Variants in DIAPH3 observed in about 807,000 individuals in gnomAD.
DIAPH3 encodes the protein protein diaphanous homolog 3.
A neutral mutation model predicts 144.3 loss-of-function variants in DIAPH3; 117 were observed. The ratio of observed to expected loss-of-function variants is 0.81; its 90% CI spans 0.70 to 0.95. The LOEUF (loss-of-function observed/expected upper bound fraction) is 0.95. DIAPH3 is among the 40% of genes least tolerant of loss of function. The pLI is 0.00. For missense variants in DIAPH3, 1,421 were observed against 1,412.7 expected (o/e 1.01, Z -0.09); for synonymous variants, 519 against 488.9 (o/e 1.06, Z -0.81).
intron 27 of DIAPH3, among the ~76,000 whole-genome samples, chr13:59,764,693 T>C (rs9538518): frequency 0.35 from 51,835 of 149,948 alleles, 9,406 homozygotes; most frequent in African/African-American, 0.44. Flanking sequence ...GATGGAGACA[T>C]ACACTGGAGT....
Position 59,974,430 on chromosome 13 carries a change from TTGG to T in DIAPH3, c.1569_1571del (p.His523del). Reference sequence around the variant, plus strand: ...TTTTCTGCAATTCAGCCTGAGTTTCTTGGTGGTCGGTAAACTCTTTTTCAAACT... The same window carrying T: ...TTTTCTGCAATTCAGCCTGAGTTTCTTGGTCGGTAAACTCTTTTTCAAACT... On this transcript the variant is annotated inframe_deletion, in exon 15 of 28. Coordinates refer to ENST00000400324, the MANE Select transcript of DIAPH3 (RefSeq NM_001042517.2). 1 of 1,612,114 alleles carries T rather than the reference TTGG, an allele frequency of 6.2e-7. No homozygotes were observed. Among genetic ancestry groups the T allele is most frequent in the East Asian group, 2.2e-5 (1 of 44,800 alleles).
At chr13:60,042,109 A>T (rs1344893135) in intron 5 of DIAPH3, among the ~76,000 whole-genome samples, 1 of 152,194 alleles carries the variant, frequency 6.6e-6, no homozygotes, top group Admixed American at 6.5e-5. Context: ...ACCAAAAATT[A>T]GCCCCATTCC....
intron 20 of DIAPH3, among the ~76,000 whole-genome samples, chr13:59,881,319 A>T (rs911679855): frequency 6.6e-6 from 1 of 152,112 alleles, no homozygotes; most frequent in Non-Finnish European, 1.5e-5. Flanking sequence ...CACATGTAGT[A>T]CCTGTAGTTA....
At chr13:59,911,683 G>T in intron 20 of DIAPH3, 52 bp downstream of exon 20, 1 of 1,307,980 alleles carries the variant, frequency 7.6e-7, no homozygotes, top group Non-Finnish European at 1.1e-6. Flanking sequence ...ACAGTTGACA[G>T]GTTCTCTTGT....
At position 60,083,907 on chromosome 13, in the gene DIAPH3, AGATGGATGGATGGATGGATGGATGGATG is replaced by A. The variant is rs61418371; in HGVS notation, c.495+9693_495+9720del. 1.7e-4 allele frequency among the ~76,000 whole-genome samples: 25 copies of A among 145,580 alleles called. 1 individual carries two copies. The highest frequency in any genetic ancestry group is 1.7e-3 in the Admixed American group (24 of 14,464). ...ACAGAGCAAGACCCTATGGATGGAC[AGATGGATGGATGGATGGATGGATGGATG>A]GATGGATGGATGGATGGATGGATGA... On this transcript the variant is annotated intron_variant, in intron 4 of 27. Coordinates refer to ENST00000400324, the MANE Select transcript of DIAPH3 (RefSeq NM_001042517.2).
chr13:59,751,029 G>C (rs1434513610), intron 27 of DIAPH3, among the ~76,000 whole-genome samples: 1 of 152,234 alleles, frequency 6.6e-6, no homozygotes, highest in Non-Finnish European at 1.5e-5. Context: ...GCAGCCGGTT[G>C]CCTTCAGCAG....
At chr13:59,811,515 G>A (rs2040472457) in intron 24 of DIAPH3, among the ~76,000 whole-genome samples, 1 of 152,024 alleles carries the variant, frequency 6.6e-6, no homozygotes, top group Non-Finnish European at 1.5e-5. Flanking sequence ...GAGGTGGGCG[G>A]ATCATAAGGT....
intron 27 of DIAPH3, among the ~76,000 whole-genome samples, chr13:59,708,079 T>C (rs1030853704): frequency 1.3e-5 from 2 of 152,086 alleles, no homozygotes; most frequent in Non-Finnish European, 2.9e-5. Context: ...ATTATTTTTT[T>C]AGAGACAGCA....
chr13:60,064,647 A>C (rs2056889260), intron 4 of DIAPH3, among the ~76,000 whole-genome samples: 1 of 152,136 alleles, frequency 6.6e-6, no homozygotes, highest in South Asian at 2.1e-4. Context: ...AACCACTCAA[A>C]ACTTTCTCTA....
chr13:59,832,157 G>A (rs1471357653), intron 24 of DIAPH3, among the ~76,000 whole-genome samples: 1 of 151,748 alleles, frequency 6.6e-6, no homozygotes, highest in Non-Finnish European at 1.5e-5. Context: ...ATTCATTTCT[G>A]GCAATGAAAA....
At chr13:60,097,610 T>A (rs1220637346) in intron 3 of DIAPH3, among the ~76,000 whole-genome samples, 1 of 152,040 alleles carries the variant, frequency 6.6e-6, no homozygotes, top group Non-Finnish European at 1.5e-5. Flanking sequence ...TATGGCAACA[T>A]AAAAATGGAC....
At chr13:60,003,659 C>A (rs1401796611) in intron 9 of DIAPH3, among the ~76,000 whole-genome samples, 3 of 151,764 alleles carry the variant, frequency 2.0e-5, no homozygotes, top group Non-Finnish European at 4.4e-5. Flanking sequence ...CTGCAAGCAC[C>A]GCCTCCTGGG....
intron 27 of DIAPH3, among the ~76,000 whole-genome samples, chr13:59,762,052 C>CTTTTTTTTTTTTTTTTTTTT (rs35387511): frequency 3.2e-4 from 19 of 59,518 alleles, no homozygotes; most frequent in East Asian, 5.1e-4. Context: ...GCGTCAGCAT[C>CTTTTTTTTTTTTTTTTTTTT]TTTTTTTTTT....
intron 27 of DIAPH3, among the ~76,000 whole-genome samples, chr13:59,722,655 G>C (rs2035401018): frequency 6.6e-6 from 1 of 152,190 alleles, no homozygotes; most frequent in Non-Finnish European, 1.5e-5. Flanking sequence ...TGTTATGCTG[G>C]TGTGGATTGT....
chr13:60,101,534 T>C (rs2137977907), intron 3 of DIAPH3, among the ~76,000 whole-genome samples: 1 of 152,242 alleles, frequency 6.6e-6, no homozygotes, highest in South Asian at 2.1e-4. Flanking sequence ...TTTTTTTTTT[T>C]TAGCTCATCA....
chr13:60,107,922 T>C (rs988565935), intron 3 of DIAPH3, among the ~76,000 whole-genome samples: 3 of 152,190 alleles, frequency 2.0e-5, no homozygotes, highest in African/African-American at 7.2e-5. Flanking sequence ...TTTCATTCTC[T>C]CAACCGATAG....
At position 60,156,939 on chromosome 13, in the gene DIAPH3, ATTTT is replaced by A. The variant is rs757042309; in HGVS notation, c.180+6644_180+6647del. On this transcript the variant is annotated intron_variant, in intron 1 of 27. Transcript: ENST00000400324. ...CCTTCATATATATATATATATATAT[ATTTT>A]TTTTTTTTTTTTTTTTGAGACAGAG... 4.6e-3 allele frequency among the ~76,000 whole-genome samples: 379 copies of A among 81,590 alleles called. 5 individuals are homozygous for A. Among genetic ancestry groups the A allele is most frequent in the African/African-American group, 0.01 (187 of 18,452 alleles). 53.5% of individuals were successfully genotyped at this position (81,590 alleles called of 152,430 possible).
intron 21 of DIAPH3, among the ~76,000 whole-genome samples, chr13:59,871,421 G>A (rs1430164402): frequency 6.6e-6 from 1 of 152,146 alleles, no homozygotes; most frequent in Non-Finnish European, 1.5e-5. Flanking sequence ...TATGATGCTA[G>A]CTGTCGATTT....
At chr13:59,823,053 G>A (rs905051220) in intron 24 of DIAPH3, among the ~76,000 whole-genome samples, 2 of 151,880 alleles carry the variant, frequency 1.3e-5, no homozygotes, top group South Asian at 2.1e-4. Context: ...AATAATCTAG[G>A]CATTACCTTT....
Sources: allele counts gnomAD v4.1 joint callset (sites outside exome capture counted in the v4.1 genomes callset), GRCh38; gene constraint gnomAD v4.1.1; transcripts MANE v1.5; gene names NCBI Gene and HGNC (gene_info 2026-07-23, HGNC 2026-07-21).